Variants in UBAC2 observed in about 807,000 individuals in gnomAD.
UBAC2 encodes the protein ubiquitin-associated domain-containing protein 2.
In UBAC2, 26 loss-of-function variants were observed where a neutral mutation model predicts 44.0. That is an observed-to-expected ratio of 0.59 (90% confidence interval 0.43 to 0.82). UBAC2 has a LOEUF of 0.82. UBAC2 is among the 40% of genes least tolerant of loss of function. The probability of loss-of-function intolerance (pLI) is 0.00; values close to 1 mark genes in which losing one functional copy is unlikely to be tolerated. For synonymous variants in UBAC2, 155 were observed against 154.3 expected, an observed-to-expected ratio of 1.00 and a Z score of -0.04; for missense variants, 329 against 419.4, an observed-to-expected ratio of 0.78 and a Z score of 1.88.
Position 99,340,301 on chromosome 13 carries a change from T to C in UBAC2, c.562-19T>C. On this transcript the variant is annotated intron_variant, in intron 6 of 8. Transcript: ENST00000403766. ...ATAATACTACATTTAAACAATCACA[T>C]TGGACGTTTTTCTTCTAGATGTCCG... The C allele has an allele frequency of 8.7e-6, 14 of 1,600,678 alleles. No individual in the cohort carries two copies. Among genetic ancestry groups the C allele is most frequent in the Non-Finnish European group, 1.2e-5 (14 of 1,171,294 alleles).
At chr13:99,256,020 C>A in intron 4 of UBAC2, 1 of 676,866 alleles carries the variant, frequency 1.5e-6, no homozygotes, top group Non-Finnish European at 2.4e-6. Context: ...AGCATTTAAT[C>A]AAGGAACGAT....
At chr13:99,244,406 C>CATATGCATGTGTGTATATAA in intron 3 of UBAC2, 109 bp from the exon 4 acceptor site, 1 of 707,034 alleles carries the variant, frequency 1.4e-6, no homozygotes, top group South Asian at 1.7e-5. Context: ...TATATACACA[C>CATATGCATGTGTGTATATAA]ACACACATAC....
intron 6 of UBAC2, among the ~76,000 whole-genome samples, chr13:99,331,919 T>C (rs1348298732): frequency 1.3e-5 from 2 of 152,114 alleles, no homozygotes; most frequent in Non-Finnish European, 2.9e-5. Flanking sequence ...TGAGTAAATA[T>C]TTGTGGAATG....
chr13:99,277,660 T>C (rs2043901592), intron 4 of UBAC2, among the ~76,000 whole-genome samples: 1 of 152,242 alleles, frequency 6.6e-6, no homozygotes, highest in South Asian at 2.1e-4. Context: ...AGACATTTTA[T>C]TAAGGCCATT....
At chr13:99,215,469 T>G in intron 1 of UBAC2, 2 of 1,396,508 alleles carry the variant, frequency 1.4e-6, no homozygotes, top group Non-Finnish European at 2.0e-6. Context: ...GAGAATCCAA[T>G]TCTTCATCTG....
intron 4 of UBAC2, among the ~76,000 whole-genome samples, chr13:99,267,363 T>C (rs142531925): frequency 1.1e-3 from 174 of 152,308 alleles, no homozygotes; most frequent in African/African-American, 4.1e-3. Flanking sequence ...TTTTGGAGCA[T>C]ATTTTAGGCT....
intron 4 of UBAC2, among the ~76,000 whole-genome samples, chr13:99,262,857 A>G (rs1350141296): frequency 6.6e-6 from 1 of 152,162 alleles, no homozygotes; most frequent in Non-Finnish European, 1.5e-5. Flanking sequence ...TAGTAAAAGT[A>G]AACATGTATC....
intron 7 of UBAC2, among the ~76,000 whole-genome samples, chr13:99,351,045 C>T (rs528431445): frequency 2.6e-5 from 4 of 152,114 alleles, no homozygotes; most frequent in East Asian, 3.9e-4. Flanking sequence ...TAGAAAGCAG[C>T]GTAATATAAT....
chr13:99,242,591 C>T (rs1594037916), intron 2 of UBAC2, among the ~76,000 whole-genome samples: 2 of 108,692 alleles, frequency 1.8e-5, no homozygotes, highest in South Asian at 3.4e-4. Flanking sequence ...CGGGCAGAGG[C>T]GCCCCTCACC....
intron 7 of UBAC2, among the ~76,000 whole-genome samples, chr13:99,357,940 C>T (rs1344744874): frequency 6.6e-6 from 1 of 152,176 alleles, no homozygotes; most frequent in South Asian, 2.1e-4. Flanking sequence ...TATGCCAGGT[C>T]GTACAGGAGG....
At chr13:99,331,153 G>A (rs995936260) in intron 6 of UBAC2, among the ~76,000 whole-genome samples, 3 of 152,202 alleles carry the variant, frequency 2.0e-5, no homozygotes, top group Admixed American at 6.5e-5. Context: ...AAGTCCTGGC[G>A]TCCTGGCCAT....
chr13:99,368,555 G>T (rs1361758306), intron 8 of UBAC2, among the ~76,000 whole-genome samples: 1 of 152,178 alleles, frequency 6.6e-6, no homozygotes, highest in African/African-American at 2.4e-5. Flanking sequence ...GTGTATTATA[G>T]ATTTGAGCAA....
chr13:99,273,028 C>A (rs1436240074), intron 4 of UBAC2, among the ~76,000 whole-genome samples: 6 of 145,180 alleles, frequency 4.1e-5, no homozygotes, highest in African/African-American at 1.5e-4. Flanking sequence ...TTCATCTTTT[C>A]AAGATTAACC....
intron 4 of UBAC2, chr13:99,255,040 C>T (rs757282650): frequency 1.2e-6 from 2 of 1,614,106 alleles, no homozygotes; most frequent in Non-Finnish European, 1.7e-6. Context: ...CAGACACGTG[C>T]TGAGGTTCAT....
At chr13:99,312,067 G>A (rs2044418774) in intron 4 of UBAC2, among the ~76,000 whole-genome samples, 1 of 152,268 alleles carries the variant, frequency 6.6e-6, no homozygotes, top group African/African-American at 2.4e-5. Context: ...TGCTGCGTTT[G>A]TGTTGATAGC....
chr13:99,246,843 C>G (rs1010947610), intron 4 of UBAC2, among the ~76,000 whole-genome samples: 7 of 152,154 alleles, frequency 4.6e-5, no homozygotes, highest in African/African-American at 1.7e-4. Context: ...TCAGCCATCT[C>G]CTGAATGAAA....
intron 6 of UBAC2, among the ~76,000 whole-genome samples, chr13:99,330,680 C>T (rs1338662972): frequency 6.6e-6 from 1 of 151,850 alleles, no homozygotes; most frequent in Admixed American, 6.6e-5. Context: ...TAGCTAGGAC[C>T]TCTAATAGAA....
At chr13:99,229,206 G>A (rs537035835) in intron 1 of UBAC2, among the ~76,000 whole-genome samples, 9 of 152,346 alleles carry the variant, frequency 5.9e-5, no homozygotes, top group Admixed American at 5.9e-4. Context: ...GTGTGGGAAC[G>A]AGGGTGCAGA....
At chr13:99,292,718 GT>G (rs34731765) in intron 4 of UBAC2, among the ~76,000 whole-genome samples, 6 of 148,122 alleles carry the variant, frequency 4.1e-5, no homozygotes, top group African/African-American at 1.2e-4. Flanking sequence ...AGCTTTGAGG[GT>G]TTTTTTTTTT....
Sources: allele counts gnomAD v4.1 joint callset (sites outside exome capture counted in the v4.1 genomes callset), GRCh38; gene constraint gnomAD v4.1.1; transcripts MANE v1.5; gene names NCBI Gene and HGNC (gene_info 2026-07-23, HGNC 2026-07-21).